The following SLC75A1 variants were observed in gnomAD, a reference collection of about 807,000 sequenced individuals.
The protein encoded by SLC75A1 is major facilitator superfamily domain containing 10.
chr4:2,932,728 C>A, the SLC75A1 span: 1 of 1,589,798 alleles, frequency 6.3e-7, no homozygotes, highest in South Asian at 1.2e-5. Context: ...CGAGAGGTGG[C>A]CCAGACTGCA....
At chr4:2,933,859 C>T in the SLC75A1 span, 12 of 1,585,694 alleles carry the variant, frequency 7.6e-6, no homozygotes, top group African/African-American at 1.1e-4. Context: ...GACCACGCGG[C>T]GCTCCGGCGG....
the SLC75A1 span, chr4:2,934,007 C>G: frequency 7.0e-7 from 1 of 1,421,332 alleles, no homozygotes; most frequent in Non-Finnish European, 9.5e-7. Flanking sequence ...CTGGCATACC[C>G]CCACACCCGA....
chr4:2,934,034 T>G, the SLC75A1 span: 3 of 1,217,808 alleles, frequency 2.5e-6, no homozygotes, highest in South Asian at 4.4e-5. Flanking sequence ...GCGAGCACCC[T>G]AAAGGGGCTG....
chr4:2,932,224 G>A, the SLC75A1 span: 5 of 1,551,650 alleles, frequency 3.2e-6, no homozygotes, highest in East Asian at 2.4e-5. Flanking sequence ...GTGGCCTCAA[G>A]GGTCCCAACA....
At chr4:2,931,130 T>C in the SLC75A1 span, 11 of 1,571,396 alleles carry the variant, frequency 7.0e-6, no homozygotes, top group Admixed American at 2.0e-4. Flanking sequence ...CCCATGACCG[T>C]GCCCTTCTGC....
chr4:2,933,716 G>A, the SLC75A1 span: 2 of 1,608,302 alleles, frequency 1.2e-6, no homozygotes, highest in Non-Finnish European at 1.7e-6. Flanking sequence ...GGGCCTGGGG[G>A]GCAGGGGGCA....
the SLC75A1 span, chr4:2,932,592 G>A: frequency 1.9e-6 from 3 of 1,613,058 alleles, no homozygotes; most frequent in African/African-American, 1.3e-5. Context: ...CCCAGCCTGT[G>A]CACTTACCAT....
At chr4:2,932,178 T>G in the SLC75A1 span, 1 of 1,586,364 alleles carries the variant, frequency 6.3e-7, no homozygotes, top group African/African-American at 1.3e-5. Context: ...TTGGAGAGCC[T>G]GCAGGAGCGG....
the SLC75A1 span, chr4:2,931,579 G>A: frequency 1.4e-5 from 23 of 1,612,868 alleles, no homozygotes; most frequent in Middle Eastern, 3.3e-4. Flanking sequence ...CAACTTCCCC[G>A]CCAGGGTGGA....
chr4:2,932,955 G>A, the SLC75A1 span: 1 of 1,019,442 alleles, frequency 9.8e-7, no homozygotes, highest in Non-Finnish European at 1.4e-6. Context: ...AGGAGCCACT[G>A]GTCCCCCGAG....
chr4:2,931,230 A>C, the SLC75A1 span: 1 of 1,564,438 alleles, frequency 6.4e-7, no homozygotes, highest in Non-Finnish European at 8.7e-7. Context: ...GGCTCACCAT[A>C]GCCAGCGACC....
chr4:2,933,667 G>C, the SLC75A1 span: 1 of 1,613,606 alleles, frequency 6.2e-7, no homozygotes, highest in Non-Finnish European at 8.5e-7. Context: ...GGGGGTCCTA[G>C]GGGATGAGGA....
At chr4:2,932,597 T>A in the SLC75A1 span, 2 of 1,613,068 alleles carry the variant, frequency 1.2e-6, no homozygotes, top group Non-Finnish European at 1.7e-6. Context: ...CCTGTGCACT[T>A]ACCATGCCTT....
the SLC75A1 span, chr4:2,932,546 A>C: frequency 6.2e-7 from 1 of 1,612,628 alleles, no homozygotes; most frequent in Non-Finnish European, 8.5e-7. Flanking sequence ...GCACAGGGAG[A>C]CCCAGGCCCA....
the SLC75A1 span, chr4:2,933,889 C>G: frequency 6.3e-7 from 1 of 1,577,696 alleles, no homozygotes; most frequent in Non-Finnish European, 8.6e-7. Flanking sequence ...GATGGGTGGG[C>G]GCGGGGTGCA....
the SLC75A1 span, chr4:2,930,965 C>G: frequency 6.2e-7 from 1 of 1,612,952 alleles, no homozygotes; most frequent in Non-Finnish European, 8.5e-7. Flanking sequence ...TGCGGAGAGA[C>G]GGTGGCGTCA....
At chr4:2,934,040 G>A in the SLC75A1 span, 3 of 1,156,494 alleles carry the variant, frequency 2.6e-6, no homozygotes, top group Non-Finnish European at 3.6e-6. Context: ...ACCCTAAAGG[G>A]GCTGATGGCA....
At chr4:2,933,614 G>A in the SLC75A1 span, 1 of 1,613,540 alleles carries the variant, frequency 6.2e-7, no homozygotes, top group Non-Finnish European at 8.5e-7. Context: ...CATCCCGATG[G>A]CGGTGGCAAA....
At chr4:2,932,802 G>GC in the SLC75A1 span, 7 of 1,527,298 alleles carry the variant, frequency 4.6e-6, no homozygotes, top group African/African-American at 9.7e-5. Context: ...GTCGCTTAAG[G>GC]CCAGGAGTGG....
Sources: gnomAD v4.1 joint callset for allele counts on GRCh38, gnomAD v4.1.1 for gene constraint, MANE v1.5 for transcripts, NCBI Gene and HGNC (gene_info 2026-07-23, HGNC 2026-07-21) for gene names.